CACNB2: variants seen among roughly 807,000 people sequenced by gnomAD.
CACNB2 encodes the protein voltage-dependent L-type calcium channel subunit beta-2.
CACNB2 carries 42 observed loss-of-function variants against 73.3 expected under a neutral mutation model. The ratio of observed to expected loss-of-function variants is 0.57; its 90% CI spans 0.45 to 0.74. CACNB2 has a LOEUF of 0.74. Among genes scored for constraint, CACNB2 ranks in the 30% least tolerant of loss-of-function variants. The probability of loss-of-function intolerance (pLI) is 0.00; values close to 1 mark genes in which losing one functional copy is unlikely to be tolerated. For synonymous variants in CACNB2, 348 were observed against 310.3 expected (o/e 1.12, Z -1.28); for missense variants, 940 against 853.0 (o/e 1.10, Z -1.27).
At chr10:18,257,303 C>T (rs987045928) in intron 2 of CACNB2, 1 of 152,154 alleles carries the variant, frequency 6.6e-6, no homozygotes, top group Non-Finnish European at 1.5e-5. Flanking sequence ...GCCCAGCAGC[C>T]GATGTCTGTC....
chr10:18,306,616 G>A (rs1296303427), intron 2 of CACNB2, among the ~76,000 whole-genome samples: 1 of 152,184 alleles, frequency 6.6e-6, no homozygotes, highest in East Asian at 1.9e-4. Flanking sequence ...AAAGTGTTAT[G>A]TATGGACATT....
chr10:18,430,672 C>A (rs965783283), intron 3 of CACNB2, among the ~76,000 whole-genome samples: 4 of 152,122 alleles, frequency 2.6e-5, no homozygotes, highest in African/African-American at 7.2e-5. Context: ...CATTACAGTT[C>A]AATGTCTCAA....
In CACNB2 at chr10:18,464,418, T is replaced by TTAAAAAA. The variant is rs1360690647; in HGVS notation, c.334-33937_334-33936insTAAAAAA. ...CAGAGTGAGACCCTGTCTCAAAAATTAAAAAAAAAAAAAAAAAAAAAAGAA... is the reference window on the plus strand; with the variant it reads ...CAGAGTGAGACCCTGTCTCAAAAATTTAAAAAAAAAAAAAAAAAAAAAAAAAAAAGAA... On this transcript the variant is annotated intron_variant, in intron 3 of 13. Transcript: ENST00000324631. Among the ~76,000 whole-genome samples, 20 of 85,300 alleles carry TTAAAAAA rather than the reference T, an allele frequency of 2.3e-4. 2 individuals are homozygous for TTAAAAAA. The highest frequency in any genetic ancestry group is 1.1e-3 in the South Asian group (2 of 1,888). 56.0% of individuals were successfully genotyped at this position (85,300 alleles called of 152,430 possible).
At chr10:18,516,503 A>C (rs1178090135) in intron 7 of CACNB2, among the ~76,000 whole-genome samples, 2 of 152,190 alleles carry the variant, frequency 1.3e-5, no homozygotes, top group Non-Finnish European at 2.9e-5. Context: ...AAATGCAGGA[A>C]ATTTACATTC....
At chr10:18,162,978 G>A (rs534648227) in intron 2 of CACNB2, among the ~76,000 whole-genome samples, 1 of 152,114 alleles carries the variant, frequency 6.6e-6, no homozygotes, top group Admixed American at 6.5e-5. Context: ...AGAAGAGATC[G>A]ATGGATGGGT....
chr10:18,141,008 G>C (rs954717517), intron 1 of CACNB2, 152 bp downstream of exon 1: 1 of 1,526,750 alleles, frequency 6.5e-7, no homozygotes. Flanking sequence ...CCTGGCGCCG[G>C]GGACCCTGCC....
chr10:18,197,928 G>T (rs1277725), intron 2 of CACNB2, among the ~76,000 whole-genome samples: 124,047 of 147,910 alleles, frequency 0.84, 52,375 homozygotes, highest in Non-Finnish European at 0.9. Context: ...ATATATTAAT[G>T]GTTAATATAT....
chr10:18,388,767 A>AAATTT (rs2043340116), intron 2 of CACNB2, among the ~76,000 whole-genome samples: 1 of 152,176 alleles, frequency 6.6e-6, no homozygotes, highest in African/African-American at 2.4e-5. Flanking sequence ...ATACACAGAG[A>AAATTT]AATTTACTTC....
intron 2 of CACNB2, among the ~76,000 whole-genome samples, chr10:18,347,071 C>A (rs1383990506): frequency 6.6e-6 from 1 of 152,186 alleles, no homozygotes; most frequent in Non-Finnish European, 1.5e-5. Flanking sequence ...CTGTTCTGTG[C>A]CGCCTAGTCT....
chr10:18,393,622 AC>A (rs1464854262), intron 2 of CACNB2, among the ~76,000 whole-genome samples: 3 of 152,238 alleles, frequency 2.0e-5, no homozygotes, highest in African/African-American at 7.2e-5. Flanking sequence ...CTGAAAGAAG[AC>A]ACTTGAATCC....
At chr10:18,179,303 A>T (rs1042236022) in intron 2 of CACNB2, among the ~76,000 whole-genome samples, 1 of 152,158 alleles carries the variant, frequency 6.6e-6, no homozygotes, top group African/African-American at 2.4e-5. Flanking sequence ...TGTTGTAGGG[A>T]GGTGATAGCT....
rs2050678613 is a variant in CACNB2, at chr10:18,509,950, G to C, written c.670+3403G>C. On this transcript the variant is annotated intron_variant, in intron 6 of 13. Coordinates refer to ENST00000324631, the MANE Select transcript of CACNB2 (RefSeq NM_201596.3). ...TGTTTGCTAAAGCATGGAAATATAAGTATGAAATTTAAAAAGAGTAACATT... is the reference window on the plus strand; with the variant it reads ...TGTTTGCTAAAGCATGGAAATATAACTATGAAATTTAAAAAGAGTAACATT... 2.0e-5 allele frequency among the ~76,000 whole-genome samples: 3 copies of C among 152,196 alleles called. No homozygotes were observed. In the South Asian group the frequency reaches 6.2e-4, roughly 32 times the overall value.
At chr10:18,412,910 G>A (rs564394543) in intron 3 of CACNB2, among the ~76,000 whole-genome samples, 2 of 152,278 alleles carry the variant, frequency 1.3e-5, no homozygotes, top group South Asian at 2.1e-4. Context: ...TCTGTGCGTT[G>A]TACCCAGGAT....
At chr10:18,523,994 A>C (rs560089537) in intron 9 of CACNB2, among the ~76,000 whole-genome samples, 2 of 152,186 alleles carry the variant, frequency 1.3e-5, no homozygotes, top group Admixed American at 6.5e-5. Context: ...ATTCTGGTTA[A>C]GTAGTGTCAG....
intron 3 of CACNB2, among the ~76,000 whole-genome samples, chr10:18,447,890 A>C (rs1261780699): frequency 1.3e-5 from 2 of 152,178 alleles, no homozygotes; most frequent in Non-Finnish European, 2.9e-5. Context: ...TCCAAACCCG[A>C]GAGCTATTTT....
chr10:18,359,782 T>C (rs1241581508), intron 2 of CACNB2, among the ~76,000 whole-genome samples: 2 of 151,748 alleles, frequency 1.3e-5, no homozygotes, highest in African/African-American at 4.8e-5. Context: ...GTCCCCAGTG[T>C]GAGATGTTCT....
At chr10:18,406,704 C>T (rs1481009261) in intron 3 of CACNB2, among the ~76,000 whole-genome samples, 3 of 152,090 alleles carry the variant, frequency 2.0e-5, no homozygotes. Context: ...GTAATAATAA[C>T]AGAAATAAAG....
intron 3 of CACNB2, among the ~76,000 whole-genome samples, chr10:18,438,174 C>T (rs1484612755): frequency 1.4e-5 from 2 of 141,116 alleles, no homozygotes; most frequent in East Asian, 2.1e-4. Context: ...CCCGCCAGCA[C>T]ACCTGGCGAT....
At chr10:18,464,090 A>G (rs117543919) in intron 3 of CACNB2, among the ~76,000 whole-genome samples, 4,610 of 150,550 alleles carry the variant, frequency 0.031, 95 homozygotes, top group East Asian at 0.1. Flanking sequence ...GTTGAACCCT[A>G]CCTCCAACTT....
Sources: allele counts gnomAD v4.1 joint callset (sites outside exome capture counted in the v4.1 genomes callset), GRCh38; gene constraint gnomAD v4.1.1; transcripts MANE v1.5; gene names NCBI Gene and HGNC (gene_info 2026-07-23, HGNC 2026-07-21).